The following SIK2 variants were observed in gnomAD, a reference collection of about 807,000 sequenced individuals.
SIK2 encodes salt inducible kinase 2, also known as serine/threonine-protein kinase SIK2.
A neutral mutation model predicts 103.2 loss-of-function variants in SIK2; 29 were observed. The ratio of observed to expected loss-of-function variants is 0.28; its 90% CI spans 0.21 to 0.38. The LOEUF (loss-of-function observed/expected upper bound fraction) is 0.38. SIK2 is among the 10% of genes least tolerant of loss of function. The pLI is 1.00. For missense variants in SIK2, 879 were observed against 1,171.0 expected (o/e 0.75, Z 3.64); for synonymous variants, 412 against 446.1 (o/e 0.92, Z 0.96).
At chr11:111,665,813 C>T (rs1354247107) in intron 3 of SIK2, among the ~76,000 whole-genome samples, 1 of 130,130 alleles carries the variant, frequency 7.7e-6, no homozygotes, top group Non-Finnish European at 1.7e-5. Context: ...GCAACAAAAG[C>T]AAAACTCCAT....
intron 9 of SIK2, among the ~76,000 whole-genome samples, chr11:111,716,695 C>A (rs948834950): frequency 6.6e-6 from 1 of 152,122 alleles, no homozygotes; most frequent in African/African-American, 2.4e-5. Flanking sequence ...AGACATAATT[C>A]CTCTTGTAGT....
chr11:111,610,583 A>C (rs1941709973), intron 1 of SIK2, among the ~76,000 whole-genome samples: 1 of 91,106 alleles, frequency 1.1e-5, no homozygotes, highest in East Asian at 2.2e-3. Context: ...TCTTACATTT[A>C]ATTCTTTGTC....
In SIK2 at chr11:111,723,979, A is replaced by G. The variant is rs1349042523; in HGVS notation, c.2631A>G (p.Leu877=). The change falls in exon 15 of 15, where the codon CTA becomes CTG. Residue 877 remains leucine (L), a synonymous_variant. Transcript: ENST00000304987. ...TGGATGGAGCCCAGCAGAGCGACCT[A>G]ACGGGGCCAGACTGTCCCAGAAGCC... ...YPVDGAQQSD[L]TGPDCPRSPG... The G allele has an allele frequency of 6.2e-7, 1 of 1,614,110 alleles. No homozygotes were observed. The highest frequency in any genetic ancestry group is 8.5e-7 in the Non-Finnish European group (1 of 1,180,000).
In SIK2 at chr11:111,726,884, G is replaced by T; in HGVS notation, c.*2755G>T. The T allele has an allele frequency of 7.7e-7, 1 of 1,299,786 alleles. No individual in the cohort carries two copies. The allele number at this position is 1,299,786 out of a possible 1,614,324, so 80.5% of individuals were successfully genotyped here. A position where few individuals can be genotyped will look rare whatever the true frequency, so the allele number is the denominator to read the frequency against. ...CTGAAGAGACTTTGGTGAGATGAAC[G>T]TGAGGTAAAAATTTCGTTCGGCAAA... is the stretch of plus-strand genomic sequence containing the variant. On this transcript the variant is annotated 3_prime_UTR_variant, in exon 15 of 15. Coordinates refer to ENST00000304987, the MANE Select transcript of SIK2 (RefSeq NM_015191.3).
At chr11:111,718,997 C>T (rs139474227) in intron 9 of SIK2, 2,800 of 152,370 alleles carry the variant, frequency 0.018, 51 homozygotes, top group Non-Finnish European at 0.026. Flanking sequence ...CCAATGCTTG[C>T]GGGGAGCTGT....
At position 111,726,480 on chromosome 11, in the gene SIK2, C is replaced by G. The variant is rs1943971092; in HGVS notation, c.*2351C>G. ...GACACCGGCCTGATGCAGAGCGTGACCCCTCCTGCTGGGACCTGTGTTGTA... is the reference window on the plus strand; with the variant it reads ...GACACCGGCCTGATGCAGAGCGTGAGCCCTCCTGCTGGGACCTGTGTTGTA... On this transcript the variant is annotated 3_prime_UTR_variant, in exon 15 of 15. Coordinates refer to ENST00000304987, the MANE Select transcript of SIK2 (RefSeq NM_015191.3). 6.4e-6 allele frequency: 1 copy of G among 156,508 alleles called. No individual in the cohort carries two copies. The highest frequency in any genetic ancestry group is 6.1e-5 in the Admixed American group (1 of 16,294). 9.7% of individuals were successfully genotyped at this position (156,508 alleles called of 1,614,324 possible).
At chr11:111,710,856 C>T (rs1390489745) in intron 8 of SIK2, among the ~76,000 whole-genome samples, 1 of 152,146 alleles carries the variant, frequency 6.6e-6, no homozygotes, top group African/African-American at 2.4e-5. Context: ...CATTTTGTCC[C>T]TTTGATTTGT....
chr11:111,626,526 C>G (rs569960249), intron 3 of SIK2, among the ~76,000 whole-genome samples: 1 of 151,884 alleles, frequency 6.6e-6, no homozygotes, highest in Non-Finnish European at 1.5e-5. Flanking sequence ...CTAGGAGGTC[C>G]CCATCTCTAT....
At chr11:111,649,706 G>A (rs1942303552) in intron 3 of SIK2, among the ~76,000 whole-genome samples, 1 of 152,232 alleles carries the variant, frequency 6.6e-6, no homozygotes, top group East Asian at 1.9e-4. Flanking sequence ...CAATGCAGAT[G>A]TAAGTCTGTA....
In SIK2 at chr11:111,688,001, ACTAT is replaced by A. The variant is rs1287042742; in HGVS notation, c.320_323del (p.Tyr107LeufsTer7). ...TTCTTAATCCTCTCTTCATTTACAG[ACTAT>A]CTTGCTAATCATGGCCGGTTAAATG... On this transcript the variant is annotated frameshift_variant and splice_region_variant, in exon 4 of 15. Coordinates refer to ENST00000304987, the MANE Select transcript of SIK2 (RefSeq NM_015191.3). LOFTEE classifies it high-confidence loss of function. This position sits in a 1 kb window ranked among gnomAD's most constrained non-coding sequence, Gnocchi z 4.2. 1 of 1,613,876 alleles carries A rather than the reference ACTAT, an allele frequency of 6.2e-7. No homozygotes were observed. The highest frequency in any genetic ancestry group is 1.7e-5 in the Admixed American group (1 of 59,952).
At chr11:111,716,218 G>A (rs184363508) in intron 9 of SIK2, among the ~76,000 whole-genome samples, 339 of 152,314 alleles carry the variant, frequency 2.2e-3, no homozygotes, top group Non-Finnish European at 3.5e-3. Flanking sequence ...ACACAGTGGA[G>A]GTGTTTCGTG....
intron 8 of SIK2, 45 bp from the exon 9 acceptor site, chr11:111,712,165 GA>G (rs1555037311): frequency 9.0e-6 from 14 of 1,551,560 alleles, no homozygotes; most frequent in Non-Finnish European, 1.1e-5. Context: ...TATTTATAGA[GA>G]AGGTATTCAT....
chr11:111,681,362 C>T (rs1942775814), intron 3 of SIK2, among the ~76,000 whole-genome samples: 1 of 152,098 alleles, frequency 6.6e-6, no homozygotes, highest in South Asian at 2.1e-4. Flanking sequence ...TGAAAGGCAC[C>T]CTGAGACAGG....
chr11:111,725,035 C>A lies in SIK2; in HGVS notation c.*906C>A, dbSNP rs1449716010. 1 of 152,656 alleles carries A rather than the reference C, an allele frequency of 6.6e-6. No individual in the cohort carries two copies. The highest frequency in any genetic ancestry group is 1.9e-4 in the East Asian group (1 of 5,198). The allele number at this position is 152,656 out of a possible 1,614,324, so 9.5% of individuals were successfully genotyped here. A position where few individuals can be genotyped will look rare whatever the true frequency, so the allele number is the denominator to read the frequency against. On this transcript the variant is annotated 3_prime_UTR_variant, in exon 15 of 15. Transcript: ENST00000304987. Reference sequence around the variant, plus strand: ...TGTTGTCTCTTTTCCGATGTAATAACTACTTTGACCTTACACTATATGTTG... The same window carrying A: ...TGTTGTCTCTTTTCCGATGTAATAAATACTTTGACCTTACACTATATGTTG...
chr11:111,619,817 TATAGTACAAGG>T (rs1415770211), intron 2 of SIK2, among the ~76,000 whole-genome samples: 9 of 152,312 alleles, frequency 5.9e-5, no homozygotes, highest in Admixed American at 4.6e-4. Flanking sequence ...AATATTAAAG[TATAGTACAAGG>T]AATATCACAT....
intron 3 of SIK2, among the ~76,000 whole-genome samples, chr11:111,684,866 T>C (rs1033987994): frequency 1.3e-5 from 2 of 152,262 alleles, no homozygotes; most frequent in South Asian, 4.1e-4. Context: ...TGTAATGAGC[T>C]GACCATCTCA....
rs1943207461 is a variant in SIK2, at chr11:111,701,343, A to C, written c.604-109A>C. The stretch of plus-strand genomic sequence containing the variant: ...AATTCTGAGAAAATAATAAATCCAG[A>C]CAGGAATTTTTCAGTCCATATGATT... On this transcript the variant is annotated intron_variant, in intron 5 of 14. Transcript: ENST00000304987. The surrounding 1 kb of genome is among the most constrained non-coding windows in gnomAD (Gnocchi z 4.2). 3 of 1,375,566 alleles carry C rather than the reference A, an allele frequency of 2.2e-6. No individual in the cohort carries two copies. Among genetic ancestry groups the C allele is most frequent in the Admixed American group, 2.4e-5 (1 of 41,068 alleles). 85.2% of individuals were successfully genotyped at this position (1,375,566 alleles called of 1,614,324 possible). A position where few individuals can be genotyped will look rare whatever the true frequency, so the allele number is the denominator to read the frequency against.
intron 3 of SIK2, among the ~76,000 whole-genome samples, chr11:111,646,360 A>G (rs1324197049): frequency 2.6e-5 from 4 of 152,162 alleles, no homozygotes; most frequent in Non-Finnish European, 5.9e-5. Flanking sequence ...GAAGCAGGAG[A>G]ATCGCTTGAA....
At chr11:111,611,416 A>G (rs1005313733) in intron 1 of SIK2, among the ~76,000 whole-genome samples, 1 of 152,166 alleles carries the variant, frequency 6.6e-6, no homozygotes, top group African/African-American at 2.4e-5. Context: ...TTATATTCCT[A>G]CTAACTATCT....
Sources: allele counts gnomAD v4.1 joint callset (sites outside exome capture counted in the v4.1 genomes callset), GRCh38; gene constraint gnomAD v4.1.1; non-coding constraint Gnocchi (gnomAD v3.1); transcripts MANE v1.5; gene names NCBI Gene and HGNC (gene_info 2026-07-23, HGNC 2026-07-21).